MEGF10: variants seen among roughly 807,000 people sequenced by gnomAD.
MEGF10 encodes multiple epidermal growth factor-like domains protein 10.
MEGF10 carries 86 observed loss-of-function variants against 147.5 expected under a neutral mutation model. The observed-to-expected ratio is 0.58, with a 90% CI of 0.49 to 0.70. MEGF10 has a LOEUF of 0.70. Among genes scored for constraint, MEGF10 ranks in the 30% least tolerant of loss-of-function variants. The pLI is 0.00. For synonymous variants in MEGF10, 478 were observed against 525.5 expected (o/e 0.91, Z 1.24); for missense variants, 1,329 against 1,487.3 (o/e 0.89, Z 1.75).
chr5:127,291,659 G>C (rs1759263399), intron 1 of MEGF10, among the ~76,000 whole-genome samples: 2 of 152,142 alleles, frequency 1.3e-5, no homozygotes, highest in Admixed American at 1.3e-4. Context: ...AGTGCTGGGA[G>C]GGACGGTTTT....
At chr5:127,262,025 C>T in the MEGF10 span, among the ~76,000 whole-genome samples, 2 of 152,122 alleles carry the variant, frequency 1.3e-5, no homozygotes, top group African/African-American at 2.4e-5. Context: ...TTGTCAGATA[C>T]ATGATTTGCA....
intron 1 of MEGF10, among the ~76,000 whole-genome samples, chr5:127,305,736 G>A (rs1759984118): frequency 1.3e-5 from 2 of 152,158 alleles, no homozygotes; most frequent in African/African-American, 4.8e-5. Flanking sequence ...TTTTGTTTGT[G>A]CAGCCACCGG....
At chr5:127,231,290 T>G in the MEGF10 span, among the ~76,000 whole-genome samples, 10 of 152,262 alleles carry the variant, frequency 6.6e-5, no homozygotes, top group Non-Finnish European at 1.2e-4. Context: ...GGCTGCTAGA[T>G]CCTCCATGAG....
At chr5:127,247,454 A>AGAGGAAGAGGAAGAGGAAGAG in the MEGF10 span, among the ~76,000 whole-genome samples, 1 of 137,076 alleles carries the variant, frequency 7.3e-6, no homozygotes, top group Admixed American at 7.6e-5. Flanking sequence ...AAGAAGAAGA[A>AGAGGAAGAGGAAGAGGAAGAG]GAAGAAGAAG....
intron 1 of MEGF10, among the ~76,000 whole-genome samples, chr5:127,311,743 C>T (rs1014699686): frequency 9.2e-5 from 14 of 152,120 alleles, no homozygotes; most frequent in African/African-American, 3.1e-4. Flanking sequence ...ATCCCTCACT[C>T]GCCTATGTAT....
chr5:127,405,697 T>C lies in MEGF10; in HGVS notation c.917+3015T>C, dbSNP rs532852364. On this transcript the variant is annotated intron_variant, in intron 8 of 24. Transcript: ENST00000503335. Reference sequence around the variant, plus strand: ...ATCCCTGTCTTGTTTCCAAATTTATTGGAATGGCTTCAGTATAGTCTCATG... The same window carrying C: ...ATCCCTGTCTTGTTTCCAAATTTATCGGAATGGCTTCAGTATAGTCTCATG... 2.4e-4 allele frequency among the ~76,000 whole-genome samples: 37 copies of C among 152,252 alleles called. 1 individual carries two copies. The highest frequency in any genetic ancestry group is 8.9e-4 in the African/African-American group (37 of 41,550).
intron 8 of MEGF10, among the ~76,000 whole-genome samples, chr5:127,403,350 A>G (rs1245758313): frequency 2.0e-5 from 3 of 151,984 alleles, no homozygotes; most frequent in African/African-American, 7.3e-5. Flanking sequence ...GGTACATGAG[A>G]TGTTTTGATA....
upstream of MEGF10, among the ~76,000 whole-genome samples, chr5:127,285,871 T>C (rs1759013166): frequency 6.6e-6 from 1 of 152,162 alleles, no homozygotes; most frequent in Non-Finnish European, 1.5e-5. Flanking sequence ...CCATGCTTAT[T>C]GCAGCACTAT....
intron 4 of MEGF10, among the ~76,000 whole-genome samples, chr5:127,345,491 T>C (rs754558129): frequency 6.6e-6 from 1 of 152,098 alleles, no homozygotes; most frequent in Admixed American, 6.6e-5. Context: ...AGCCTTTTCT[T>C]AGAATGTGAT....
At chr5:127,266,585 CTTTTA>C in the MEGF10 span, among the ~76,000 whole-genome samples, 1 of 152,124 alleles carries the variant, frequency 6.6e-6, no homozygotes, top group Non-Finnish European at 1.5e-5. Context: ...TTTGTATCCT[CTTTTA>C]TTTTATTGAG....
intron 13 of MEGF10, among the ~76,000 whole-genome samples, chr5:127,428,141 A>ATTTTTTTTTTTTTTTTTTTTTTTTT (rs66935934): frequency 9.7e-6 from 1 of 103,572 alleles, no homozygotes. Context: ...GGTGTCTGGT[A>ATTTTTTTTTTTTTTTTTTTTTTTTT]TTTTTTTTTT....
At chr5:127,395,180 A>G (rs1314457636) in intron 5 of MEGF10, among the ~76,000 whole-genome samples, 1 of 152,186 alleles carries the variant, frequency 6.6e-6, no homozygotes, top group Non-Finnish European at 1.5e-5. Flanking sequence ...AGCAATACAT[A>G]CTAAGAGTAG....
chr5:127,396,480 A>T, intron 5 of MEGF10, 52 bp from the exon 6 acceptor site: 1 of 1,477,180 alleles, frequency 6.8e-7, no homozygotes. Flanking sequence ...AGGCGAAGAA[A>T]TCTGGTTCTC....
the MEGF10 span, among the ~76,000 whole-genome samples, chr5:127,250,260 G>A: frequency 6.6e-6 from 1 of 151,890 alleles, no homozygotes; most frequent in African/African-American, 2.4e-5. Flanking sequence ...AATCTTAAAC[G>A]TGTATTTACC....
intron 4 of MEGF10, among the ~76,000 whole-genome samples, chr5:127,362,716 G>T (rs1008129706): frequency 4.6e-5 from 7 of 152,112 alleles, no homozygotes; most frequent in African/African-American, 1.7e-4. Flanking sequence ...GCAGCATATT[G>T]TTAGGTCTTA....
the MEGF10 span, among the ~76,000 whole-genome samples, chr5:127,254,964 T>C: frequency 6.6e-6 from 1 of 150,986 alleles, no homozygotes; most frequent in Non-Finnish European, 1.5e-5. Context: ...AAGCAGAAGA[T>C]GGGAATTTAT....
chr5:127,420,239 G>A (rs748822508), intron 12 of MEGF10, 32 bp downstream of exon 12: 60 of 1,605,090 alleles, frequency 3.7e-5, no homozygotes, highest in Non-Finnish European at 4.7e-5. Flanking sequence ...GACGGAAAAC[G>A]CCTATGAGGA....
intron 1 of MEGF10, among the ~76,000 whole-genome samples, chr5:127,325,113 G>A (rs1760958629): frequency 1.3e-5 from 2 of 152,160 alleles, no homozygotes; most frequent in African/African-American, 2.4e-5. Flanking sequence ...GCTAGTGTGA[G>A]GTGCCACTCA....
At chr5:127,323,271 C>T (rs1298775508) in intron 1 of MEGF10, among the ~76,000 whole-genome samples, 4 of 152,172 alleles carry the variant, frequency 2.6e-5, no homozygotes, top group Non-Finnish European at 5.9e-5. Flanking sequence ...ACACACAGCA[C>T]ATGATGAACT....
Sources: gnomAD v4.1 joint callset for allele counts (sites outside exome capture counted in the v4.1 genomes callset) on GRCh38, gnomAD v4.1.1 for gene constraint, MANE v1.5 for transcripts, NCBI Gene and HGNC (gene_info 2026-07-23, HGNC 2026-07-21) for gene names.